The following TMEM243 variants were observed in gnomAD, a reference collection of about 807,000 sequenced individuals.
The protein encoded by TMEM243 is MDR1 and mitochondrial taxol resistance associated.
TMEM243 carries 20 observed loss-of-function variants against 15.0 expected under a neutral mutation model. That is an observed-to-expected ratio of 1.33 (90% CI 0.94 to 1.93). The LOEUF is 1.93. Ranked by LOEUF, TMEM243 falls within the 30% of genes most tolerant of loss-of-function variation. The pLI is 0.00. For missense variants in TMEM243, 156 were observed against 142.1 expected, an observed-to-expected ratio of 1.10 and a Z score of -0.50; for synonymous variants, 72 against 52.7, an observed-to-expected ratio of 1.37 and a Z score of -1.59.
At chr7:87,209,254 T>C (rs575101112) in intron 1 of TMEM243, among the ~76,000 whole-genome samples, 1 of 145,972 alleles carries the variant, frequency 6.9e-6, no homozygotes, top group Admixed American at 6.8e-5. Flanking sequence ...CTTACAATCA[T>C]GGTGGAATGT....
chr7:87,197,675 C>G, intron 3 of TMEM243: 2 of 1,298,170 alleles, frequency 1.5e-6, no homozygotes, highest in Non-Finnish European at 2.0e-6. Context: ...TGGCCACCTA[C>G]GTCTTTCCAC....
chr7:87,198,310 C>T (rs1801521594), intron 2 of TMEM243: 1 of 351,982 alleles, frequency 2.8e-6, no homozygotes. Flanking sequence ...ATTAACTAAA[C>T]CTCACTCCCA....
At chr7:87,217,794 A>G (rs985862787) in intron 1 of TMEM243, among the ~76,000 whole-genome samples, 3 of 152,292 alleles carry the variant, frequency 2.0e-5, no homozygotes, top group African/African-American at 7.2e-5. Flanking sequence ...ATTTGGAATA[A>G]TAAAGTTCTT....
At chr7:87,209,760 CAGTG>C (rs776539623) in intron 1 of TMEM243, among the ~76,000 whole-genome samples, 39 of 50,182 alleles carry the variant, frequency 7.8e-4, no homozygotes, top group African/African-American at 2.1e-3. Flanking sequence ...CAGAGCGAGA[CAGTG>C]AGAGCGAGAC....
chr7:87,202,101 T>C (rs1277703311), intron 1 of TMEM243, among the ~76,000 whole-genome samples: 1 of 152,238 alleles, frequency 6.6e-6, no homozygotes, highest in African/African-American at 2.4e-5. Flanking sequence ...TTGTAAGTCA[T>C]ATATTTATGC....
intron 3 of TMEM243, among the ~76,000 whole-genome samples, chr7:87,197,323 G>GT (rs1321654267): frequency 6.7e-6 from 1 of 150,226 alleles, no homozygotes; most frequent in African/African-American, 2.5e-5. Context: ...AATTACTATT[G>GT]TTTTTTCTTT....
In TMEM243 at chr7:87,219,662, C is replaced by G; in HGVS notation, c.-159G>C. The G allele has an allele frequency of 1.6e-6, 1 of 644,828 alleles. No individual in the cohort carries two copies. The highest frequency in any genetic ancestry group is 2.6e-4 in the Middle Eastern group (1 of 3,782). The allele number at this position is 644,828 out of a possible 1,614,324, so 39.9% of individuals were successfully genotyped here. A position where few individuals can be genotyped will look rare whatever the true frequency, so the allele number is the denominator to read the frequency against. ...GGCGCCAGGGATGGGTGGGGGCTCA[C>G]ACGCGGGGAACGCGACTGCTCCGCC... On this transcript the variant is annotated 5_prime_UTR_variant, in exon 1 of 4. Transcript: ENST00000257637.
At chr7:87,219,860 C>T (rs1052700102), upstream of TMEM243, 1 of 315,458 alleles carries the variant, frequency 3.2e-6, no homozygotes, top group Non-Finnish European at 5.9e-6. Context: ...AGGGTAGCGC[C>T]GCCCGCCGCT....
At position 87,200,247 on chromosome 7, in the gene TMEM243, C is replaced by G. The variant is rs149198171; in HGVS notation, c.79-1190G>C. ...CTGAAAGGTTACAGAACAAAAGATA[C>G]TGGACTCCAGCCACACCCTAACTCC... On this transcript the variant is annotated intron_variant, in intron 1 of 3. Coordinates refer to ENST00000257637, the MANE Select transcript of TMEM243 (RefSeq NM_024315.4). 3.0e-3 allele frequency among the ~76,000 whole-genome samples: 456 copies of G among 152,274 alleles called. 1 individual carries two copies. The highest frequency in any genetic ancestry group is 0.011 in the African/African-American group (437 of 41,580).
intron 1 of TMEM243, 85 bp downstream of exon 1, chr7:87,219,341 G>T: frequency 7.4e-7 from 1 of 1,352,388 alleles, no homozygotes; most frequent in Non-Finnish European, 1.1e-6. Context: ...TTTAGGAGCC[G>T]CAGAAAGACG....
Position 87,197,928 on chromosome 7 carries a change from C to G in TMEM243, c.234+13G>C, listed in dbSNP as rs1801470803. ...CCCTCAAGAACACTGTTTAAATTCT[C>G]AACAGTACTTACAAGTATGCAGGCA... On this transcript the variant is annotated intron_variant, in intron 3 of 3. Transcript: ENST00000257637. 2.5e-6 allele frequency: 4 copies of G among 1,612,810 alleles called. No homozygotes were observed. The highest frequency in any genetic ancestry group is 3.4e-6 in the Non-Finnish European group (4 of 1,179,320).
chr7:87,196,881 G>T, intron 3 of TMEM243, 123 bp from the exon 4 acceptor site: 1 of 665,418 alleles, frequency 1.5e-6, no homozygotes, highest in Non-Finnish European at 2.4e-6. Flanking sequence ...ATATTCTGAG[G>T]TCTCTACATT....
At chr7:87,200,913 T>C (rs1333398780) in intron 1 of TMEM243, among the ~76,000 whole-genome samples, 1 of 152,240 alleles carries the variant, frequency 6.6e-6, no homozygotes, top group Non-Finnish European at 1.5e-5. Flanking sequence ...AGCAAAGTAC[T>C]ACACTGTGCT....
chr7:87,201,266 GCT>G (rs766652433), intron 1 of TMEM243, among the ~76,000 whole-genome samples: 2 of 152,160 alleles, frequency 1.3e-5, no homozygotes, highest in African/African-American at 2.4e-5. Flanking sequence ...TACTTCTAAT[GCT>G]CTCTGTTTTA....
chr7:87,206,184 C>T (rs748057975), intron 1 of TMEM243, among the ~76,000 whole-genome samples: 89 of 152,094 alleles, frequency 5.9e-4, no homozygotes, highest in African/African-American at 2.9e-4. Context: ...TATCTCCCAC[C>T]GGGTCCCTCC....
At position 87,196,735 on chromosome 7, in the gene TMEM243, G is replaced by C. The variant is rs1801288298; in HGVS notation, c.258C>G (p.Asp86Glu). The C allele has an allele frequency of 2.5e-6, 4 of 1,591,786 alleles. No homozygotes were observed. The highest frequency in any genetic ancestry group is 3.4e-6 in the Non-Finnish European group (4 of 1,163,536). Residue 86 changes from aspartate (D) to glutamate (E), a missense_variant, in exon 4 of 4, where the codon GAC becomes GAG. Asp to Glu is a conservative substitution (Grantham distance 45, BLOSUM62 2). Transcript: ENST00000257637. Reference sequence around the variant, plus strand: ...TTAGCTTTCTAAATTTCGGTTCTAAGTCTCCTTGTCGATACCAGTAGATCT... The same window carrying C: ...TTAGCTTTCTAAATTTCGGTTCTAACTCTCCTTGTCGATACCAGTAGATCT... ...CILIYWYRQG[D>E]LEPKFRKLIY...
intron 3 of TMEM243, 66 bp from the exon 4 acceptor site, chr7:87,196,824 A>G: frequency 1.7e-6 from 2 of 1,162,530 alleles, no homozygotes; most frequent in Non-Finnish European, 2.4e-6. Flanking sequence ...CCAATTTCAA[A>G]TTTCATTAGT....
chr7:87,209,842 CAGTG>C (rs1308565287), intron 1 of TMEM243, among the ~76,000 whole-genome samples: 6 of 117,890 alleles, frequency 5.1e-5, no homozygotes, highest in South Asian at 5.8e-4. Context: ...GAGAGAGAGA[CAGTG>C]AGAGCGAGAG....
intron 1 of TMEM243, among the ~76,000 whole-genome samples, chr7:87,211,970 AC>A (rs1802784637): frequency 6.6e-6 from 1 of 152,218 alleles, no homozygotes; most frequent in South Asian, 2.1e-4. Flanking sequence ...ATTTGGGCAC[AC>A]CCACCCTTTA....
Sources: allele counts gnomAD v4.1 joint callset (sites outside exome capture counted in the v4.1 genomes callset), GRCh38; gene constraint gnomAD v4.1.1; transcripts MANE v1.5; gene names NCBI Gene and HGNC (gene_info 2026-07-23, HGNC 2026-07-21).